Variants in SCRN1 observed in about 807,000 individuals in gnomAD.
SCRN1 encodes secernin-1.
A neutral mutation model predicts 43.3 loss-of-function variants in SCRN1; 19 were observed. That is an observed-to-expected ratio of 0.44 (90% CI 0.31 to 0.64). The LOEUF (loss-of-function observed/expected upper bound fraction) is 0.64, where lower values mean the gene tolerates loss of function less well. SCRN1 is among the 30% of genes least tolerant of loss of function. The probability of loss-of-function intolerance (pLI) is 0.09; values close to 1 mark genes in which losing one functional copy is unlikely to be tolerated. For missense variants in SCRN1, 447 were observed against 524.1 expected, an observed-to-expected ratio of 0.85 and a Z score of 1.44; for synonymous variants, 183 against 188.9, an observed-to-expected ratio of 0.97 and a Z score of 0.26.
chr7:29,947,237 T>C (rs1396682373), intron 3 of SCRN1: 4 of 1,550,680 alleles, frequency 2.6e-6, no homozygotes, highest in Admixed American at 2.0e-5. Context: ...CCTAGTTTTA[T>C]AGGAAAATCT....
In SCRN1 at chr7:29,955,263, T is replaced by C; in HGVS notation, c.257A>G (p.His86Arg). The part of the protein sequence containing the change: ...LWGAEMGANE[H>R]GVCIANEAIN... ...GGCTTCATTGGCTATGCACACTCCA[T>C]GTTCATTGGCTCCCATTTCTGCTCC... Residue 86 changes from histidine (H) to arginine (R), a missense_variant, in exon 3 of 8, where the codon CAT becomes CGT. Coordinates refer to ENST00000242059, the MANE Select transcript of SCRN1 (RefSeq NM_014766.5). The C allele has an allele frequency of 6.2e-7, 1 of 1,614,192 alleles. No homozygotes were observed. The highest frequency in any genetic ancestry group is 1.6e-4 in the Middle Eastern group (1 of 6,062).
chr7:29,932,063 G>C (rs1758723551), intron 6 of SCRN1, among the ~76,000 whole-genome samples: 1 of 152,168 alleles, frequency 6.6e-6, no homozygotes, highest in South Asian at 2.1e-4. Flanking sequence ...CATTTTAAAG[G>C]GAAAGAGAGC....
chr7:29,927,445 A>G (rs918771536), intron 6 of SCRN1, among the ~76,000 whole-genome samples: 23 of 145,812 alleles, frequency 1.6e-4, no homozygotes, highest in African/African-American at 5.6e-4. Flanking sequence ...CTAAGGGACC[A>G]CTATGGCCAA....
chr7:29,940,700 T>G lies in SCRN1; in HGVS notation c.721A>C (p.Ser241Arg). The G allele has an allele frequency of 6.2e-7, 1 of 1,601,468 alleles. No homozygotes were observed. The highest frequency in any genetic ancestry group is 8.5e-7 in the Non-Finnish European group (1 of 1,176,692). ...DHLDCGAGKD[S>R]LEKQEESITV... The stretch of plus-strand genomic sequence containing the variant: ...AACTCACCTTCTTGTTTTTCTAAGC[T>G]GTCTTTGCCAGCACCGCAGTCTAGA... Residue 241 changes from serine to arginine, a missense_variant, in exon 5 of 8, where the codon AGC becomes CGC. Physicochemically the swap from Ser to Arg is moderately radical, Grantham distance 110. Transcript: ENST00000242059.
chr7:29,925,626 G>A (rs958496764), intron 7 of SCRN1, among the ~76,000 whole-genome samples: 2 of 152,190 alleles, frequency 1.3e-5, no homozygotes, highest in African/African-American at 2.4e-5. Context: ...TGGTTTTCTT[G>A]TTTGAATTGA....
chr7:29,927,352 CCCCACCCA>C (rs1237126607), intron 6 of SCRN1, among the ~76,000 whole-genome samples: 2 of 109,814 alleles, frequency 1.8e-5, no homozygotes, highest in African/African-American at 3.6e-5. Flanking sequence ...TACATCACCC[CCCCACCCA>C]CCCACCCACA....
intron 4 of SCRN1, 35 bp from the exon 5 acceptor site, chr7:29,940,911 A>G: frequency 7.0e-7 from 1 of 1,434,392 alleles, no homozygotes; most frequent in Non-Finnish European, 9.2e-7. Flanking sequence ...AGTTAAAAAT[A>G]TACTTATAAA....
intron 1 of SCRN1, among the ~76,000 whole-genome samples, chr7:29,984,918 CAAA>C (rs748869830): frequency 7.2e-5 from 4 of 55,558 alleles, no homozygotes; most frequent in Admixed American, 2.0e-4. Context: ...GACTCTGTCT[CAAA>C]AAAAAAAAAA....
At chr7:29,939,590 G>A (rs537092919) in intron 5 of SCRN1, among the ~76,000 whole-genome samples, 1 of 152,312 alleles carries the variant, frequency 6.6e-6, no homozygotes, top group South Asian at 2.1e-4. Context: ...TGCCATTATA[G>A]TGAGAAAGCA....
At chr7:29,974,685 C>CTTTCTTTTT (rs1288431675) in intron 1 of SCRN1, among the ~76,000 whole-genome samples, 121 of 134,190 alleles carry the variant, frequency 9.0e-4, no homozygotes, top group African/African-American at 3.3e-3. Flanking sequence ...TTCTTTCTTT[C>CTTTCTTTTT]TTTTTTTTTT....
chr7:29,933,911 T>C (rs1171130384), intron 6 of SCRN1, among the ~76,000 whole-genome samples: 2 of 152,222 alleles, frequency 1.3e-5, no homozygotes, highest in Non-Finnish European at 2.9e-5. Flanking sequence ...TTTCCAAGTC[T>C]GCTACTATGA....
intron 2 of SCRN1, among the ~76,000 whole-genome samples, chr7:29,961,783 C>G (rs1788325643): frequency 6.9e-6 from 1 of 145,468 alleles, no homozygotes; most frequent in Non-Finnish European, 1.5e-5. Flanking sequence ...GGGGCTGACC[C>G]CCCCACCTCC....
At chr7:29,985,224 T>G (rs994515267) in intron 1 of SCRN1, among the ~76,000 whole-genome samples, 3 of 142,614 alleles carry the variant, frequency 2.1e-5, no homozygotes, top group Admixed American at 2.1e-4. Flanking sequence ...ACCAACATGG[T>G]GAAACCCCGT....
chr7:29,958,027 G>C (rs369079725), intron 2 of SCRN1, among the ~76,000 whole-genome samples: 1 of 152,262 alleles, frequency 6.6e-6, no homozygotes, highest in Admixed American at 6.5e-5. Flanking sequence ...GGCCAAACTC[G>C]GAATGGTGAG....
chr7:29,959,232 C>A (rs1343645859), intron 2 of SCRN1, among the ~76,000 whole-genome samples: 1 of 152,140 alleles, frequency 6.6e-6, no homozygotes. Context: ...ACAACCCTGG[C>A]ACCACCAGCA....
intron 1 of SCRN1, among the ~76,000 whole-genome samples, chr7:29,983,661 A>G (rs1789063805): frequency 6.6e-6 from 1 of 152,218 alleles, no homozygotes; most frequent in African/African-American, 2.4e-5. Context: ...TCTGCAAAGG[A>G]TATGTGGGAT....
intron 6 of SCRN1, among the ~76,000 whole-genome samples, chr7:29,934,425 A>C (rs1787255425): frequency 6.6e-6 from 1 of 152,136 alleles, no homozygotes; most frequent in Non-Finnish European, 1.5e-5. Context: ...GTTCAGCTCA[A>C]CTCACTCTTT....
At chr7:29,934,916 C>G (rs1461985578) in intron 6 of SCRN1, among the ~76,000 whole-genome samples, 1 of 152,214 alleles carries the variant, frequency 6.6e-6, no homozygotes, top group Non-Finnish European at 1.5e-5. Context: ...CGGCTCTAGC[C>G]CGTGGTCATG....
chr7:29,980,225 T>C (rs1379641691), intron 1 of SCRN1, among the ~76,000 whole-genome samples: 1 of 152,220 alleles, frequency 6.6e-6, no homozygotes, highest in East Asian at 1.9e-4. Context: ...GATGTAATGA[T>C]GATGGACATA....
Sources: gnomAD v4.1 joint callset for allele counts (sites outside exome capture counted in the v4.1 genomes callset) on GRCh38, gnomAD v4.1.1 for gene constraint, MANE v1.5 for transcripts, NCBI Gene and HGNC (gene_info 2026-07-23, HGNC 2026-07-21) for gene names.